The following ARMH1 variants were observed in gnomAD, a reference collection of about 807,000 sequenced individuals.
ARMH1 encodes armadillo like helical domain containing 1.
ARMH1 carries 34 observed loss-of-function variants against 50.2 expected under a neutral mutation model. The observed-to-expected ratio is 0.68, with a 90% confidence interval of 0.51 to 0.90. ARMH1 has a LOEUF of 0.90. ARMH1 is among the 40% of genes least tolerant of loss of function. ARMH1 has a pLI of 0.00. For synonymous variants in ARMH1, 221 were observed against 224.2 expected, an observed-to-expected ratio of 0.99 and a Z score of 0.13; for missense variants, 538 against 553.9, an observed-to-expected ratio of 0.97 and a Z score of 0.29.
chr1:44,695,743 T>C (rs72671988), intron 2 of ARMH1, among the ~76,000 whole-genome samples: 13,905 of 151,922 alleles, frequency 0.092, 1,568 homozygotes, highest in African/African-American at 0.26. Context: ...AGTCCGAAAC[T>C]AGTCTGGGCA....
At chr1:44,685,654 A>T (rs1354878454) in intron 1 of ARMH1, among the ~76,000 whole-genome samples, 34 of 146,102 alleles carry the variant, frequency 2.3e-4, no homozygotes, top group African/African-American at 7.7e-5. Flanking sequence ...TTTGAGACAG[A>T]GTCTCACTCT....
At chr1:44,692,731 T>TTTTG (rs372344679) in intron 2 of ARMH1, among the ~76,000 whole-genome samples, 136 of 152,182 alleles carry the variant, frequency 8.9e-4, no homozygotes, top group African/African-American at 2.5e-3. Flanking sequence ...AATGTTCTTT[T>TTTTG]TTTGTTTGTT....
At chr1:44,709,671 A>G (rs1646513026) in intron 6 of ARMH1, among the ~76,000 whole-genome samples, 1 of 140,990 alleles carries the variant, frequency 7.1e-6, no homozygotes, top group Admixed American at 7.4e-5. Flanking sequence ...ACTCCATCTC[A>G]GAAAAAAAAA....
intron 10 of ARMH1, 70 bp from the exon 11 acceptor site, chr1:44,725,066 C>T (rs942715676): frequency 1.3e-6 from 2 of 1,546,050 alleles, no homozygotes; most frequent in East Asian, 4.9e-5. Flanking sequence ...CAACATCCCT[C>T]TGCCAAGCCC....
intron 6 of ARMH1, among the ~76,000 whole-genome samples, chr1:44,719,835 C>T (rs1647010461): frequency 6.6e-6 from 1 of 152,154 alleles, no homozygotes; most frequent in Admixed American, 6.5e-5. Context: ...TATGAGCATC[C>T]ATAGAGTGGT....
intron 6 of ARMH1, among the ~76,000 whole-genome samples, chr1:44,712,277 G>A (rs1268979607): frequency 6.6e-6 from 1 of 152,142 alleles, no homozygotes; most frequent in African/African-American, 2.4e-5. Context: ...TGGGCAACAA[G>A]GTGAAATCCT....
At chr1:44,680,963 G>GC (rs1164950940) in intron 1 of ARMH1, among the ~76,000 whole-genome samples, 1 of 150,380 alleles carries the variant, frequency 6.6e-6, no homozygotes, top group African/African-American at 2.4e-5. Context: ...CCTAACTGGT[G>GC]CCCCCACCTC....
At chr1:44,718,124 A>AT (rs1646925839) in intron 6 of ARMH1, among the ~76,000 whole-genome samples, 1 of 152,218 alleles carries the variant, frequency 6.6e-6, no homozygotes, top group Non-Finnish European at 1.5e-5. Context: ...AGAAAATGCT[A>AT]TTTGTGGTCA....
chr1:44,724,776 G>A lies in ARMH1; in HGVS notation c.1065G>A (p.Met355Ile). The A allele has an allele frequency of 6.5e-7, 1 of 1,544,074 alleles. No homozygotes were observed. The highest frequency in any genetic ancestry group is 8.7e-7 in the Non-Finnish European group (1 of 1,146,712). ...ASLTLECFVQMFPLVAEHVRK... is the reference protein window; with the variant it reads ...ASLTLECFVQIFPLVAEHVRK... ...GCGCGGCGCAGTGCTTCGTGCAGAT[G>A]TTCCCCTTGGTGGCGGAGCACGTGC... Residue 355 changes from methionine to isoleucine, a missense_variant, in exon 10 of 12, where the codon ATG becomes ATA. By Grantham distance (10) the Met-to-Ile change is conservative (BLOSUM62 1). Transcript: ENST00000535358. This position sits in a 1 kb window ranked among gnomAD's most constrained non-coding sequence, Gnocchi z 6.4.
intron 3 of ARMH1, among the ~76,000 whole-genome samples, 193 bp downstream of exon 3, chr1:44,697,363 C>T (rs945457280): frequency 2.0e-5 from 3 of 151,952 alleles, no homozygotes; most frequent in African/African-American, 2.4e-5. Context: ...TCTCCAGTGG[C>T]GCTTCACTAG....
chr1:44,675,661 C>T (rs931301080), intron 1 of ARMH1, among the ~76,000 whole-genome samples: 5 of 151,428 alleles, frequency 3.3e-5, no homozygotes, highest in African/African-American at 4.9e-5. Context: ...GACCCTGTCT[C>T]AAAAAACAAA....
chr1:44,699,037 C>A (rs994620830), intron 4 of ARMH1, among the ~76,000 whole-genome samples: 1 of 151,700 alleles, frequency 6.6e-6, no homozygotes, highest in Non-Finnish European at 1.5e-5. Flanking sequence ...AATCCCAGCA[C>A]TTTGGGAGGC....
chr1:44,716,756 C>T (rs980703150), intron 6 of ARMH1, among the ~76,000 whole-genome samples: 3 of 152,182 alleles, frequency 2.0e-5, no homozygotes, highest in African/African-American at 7.2e-5. Flanking sequence ...GTATGGCGCC[C>T]ACACACAGTT....
chr1:44,692,770 T>C (rs943267501), intron 2 of ARMH1, among the ~76,000 whole-genome samples: 2 of 152,166 alleles, frequency 1.3e-5, no homozygotes, highest in Non-Finnish European at 2.9e-5. Context: ...TCTTCCTCTG[T>C]TCCCCAGGCT....
chr1:44,698,306 G>C, intron 4 of ARMH1, 77 bp downstream of exon 4: 1 of 1,282,770 alleles, frequency 7.8e-7, no homozygotes, highest in Non-Finnish European at 1.0e-6. Context: ...ACTGCTATAG[G>C]AAAAACACAT....
rs2148577105 is a variant in ARMH1, at chr1:44,682,408, A to AGAAT, written c.-22-7266_-22-7263dup. Among the ~76,000 whole-genome samples, 1 of 152,172 alleles carries AGAAT rather than the reference A, an allele frequency of 6.6e-6. No individual in the cohort carries two copies. Among genetic ancestry groups the AGAAT allele is most frequent in the South Asian group, 2.1e-4 (1 of 4,824 alleles). On this transcript the variant is annotated intron_variant, in intron 1 of 11. Transcript: ENST00000535358. This position sits in a 1 kb window ranked among gnomAD's most constrained non-coding sequence, Gnocchi z 4.5. ...TTCAGGAACAGTAGTAGGGATTTAG[A>AGAAT]GAATGGTGTTTGAGGTGTAGGATAG...
intron 6 of ARMH1, among the ~76,000 whole-genome samples, chr1:44,709,474 C>T (rs548041003): frequency 1.7e-3 from 252 of 152,230 alleles, no homozygotes; most frequent in Non-Finnish European, 2.5e-3. Context: ...AGATCGAGAC[C>T]ATCCTGGCTA....
intron 6 of ARMH1, among the ~76,000 whole-genome samples, chr1:44,712,669 T>TA (rs1448730647): frequency 7.0e-6 from 1 of 143,302 alleles, no homozygotes; most frequent in East Asian, 2.1e-4. Flanking sequence ...TTCTTTTTTC[T>TA]TTTTTTTTTT....
chr1:44,698,223 A>G lies in ARMH1; in HGVS notation c.436A>G (p.Ser146Gly). ...GACATACAAGGAACTCATTTGTGAA[A>G]GCTATGGTGGGTACTGTGTGTGACA... ...GRTYKELICESYGVRSIAEFL... is the reference protein window; with the variant it reads ...GRTYKELICEGYGVRSIAEFL... The change falls in exon 4 of 12, where the codon AGC becomes GGC. Residue 146 changes from serine to glycine, a missense_variant. Physicochemically the swap from Ser to Gly is moderately conservative, Grantham distance 56. Coordinates refer to ENST00000535358, the MANE Select transcript of ARMH1 (RefSeq NM_001145636.2). The G allele has an allele frequency of 6.4e-7, 1 of 1,551,814 alleles. No homozygotes were observed. Among genetic ancestry groups the G allele is most frequent in the Non-Finnish European group, 8.7e-7 (1 of 1,146,776 alleles).
Sources: gnomAD v4.1 joint callset for allele counts (sites outside exome capture counted in the v4.1 genomes callset) on GRCh38, gnomAD v4.1.1 for gene constraint, Gnocchi (gnomAD v3.1) non-coding constraint, MANE v1.5 for transcripts, NCBI Gene and HGNC (gene_info 2026-07-23, HGNC 2026-07-21) for gene names.